The following C1RL variants were observed in gnomAD, a reference collection of about 807,000 sequenced individuals.
C1RL encodes the protein complement C1r subcomponent-like protein.
A neutral mutation model predicts 27.9 loss-of-function variants in C1RL; 27 were observed. That is an observed-to-expected ratio of 0.97 (90% CI 0.71 to 1.33). C1RL has a LOEUF of 1.33. Among genes scored for constraint, C1RL ranks in the 40% most tolerant of loss-of-function variants. The pLI, the probability that C1RL is intolerant of heterozygous loss-of-function variation, is 0.00. For missense variants in C1RL, 563 were observed against 623.9 expected, an observed-to-expected ratio of 0.90 and a Z score of 1.04; for synonymous variants, 248 against 252.1, an observed-to-expected ratio of 0.98 and a Z score of 0.15.
In C1RL at chr12:7,104,466, G is replaced by T. The variant is rs1938709661; in HGVS notation, c.301-2379C>A. On this transcript the variant is annotated intron_variant, in intron 2 of 5. Transcript: ENST00000266542. This position sits in a 1 kb window ranked among gnomAD's most constrained non-coding sequence, Gnocchi z 5.4. The stretch of plus-strand genomic sequence containing the variant: ...CCCCGTGTCCGGGGCCACTCTCTGG[G>T]TGAAGTCTGCACATTCTTCCCATGT... Among the ~76,000 whole-genome samples, 1 of 152,238 alleles carries T rather than the reference G, an allele frequency of 6.6e-6. No homozygotes were observed. The highest frequency in any genetic ancestry group is 2.4e-5 in the African/African-American group (1 of 41,464).
rs370976814 is a variant in C1RL, at chr12:7,097,059, C to A, written c.796G>T (p.Gly266Cys). The A allele has an allele frequency of 3.3e-5, 53 of 1,614,016 alleles. No homozygotes were observed. The highest frequency in any genetic ancestry group is 4.4e-5 in the South Asian group (4 of 91,094). The change falls in exon 6 of 6, where the codon GGC becomes TGC. Residue 266 changes from glycine (G) to cysteine (C), a missense_variant. Coordinates refer to ENST00000266542, the MANE Select transcript of C1RL (RefSeq NM_016546.4). ...FPWQAFTSIH[G>C]RGGGALLGDR... ...CCCAGCAGGGCCCCGCCCCCACGGC[C>A]GTGGATACTGGTGAAGGCTTGCCAG...
chr12:7,098,892 T>C (rs1938528521), intron 5 of C1RL, among the ~76,000 whole-genome samples: 1 of 152,028 alleles, frequency 6.6e-6, no homozygotes, highest in African/African-American at 2.4e-5. Flanking sequence ...CATTACTGGA[T>C]TGTACTGTTT....
chr12:7,096,280 T>TGGGCCCC lies in C1RL; in HGVS notation c.*110_*111insGGGGCCC. The TGGGCCCC allele has an allele frequency of 5.0e-6, 5 of 992,680 alleles. No individual in the cohort carries two copies. The highest frequency in any genetic ancestry group is 6.0e-6 in the Non-Finnish European group (5 of 832,192). 61.5% of individuals were successfully genotyped at this position (992,680 alleles called of 1,614,324 possible). On this transcript the variant is annotated 3_prime_UTR_variant, in exon 6 of 6. Coordinates refer to ENST00000266542, the MANE Select transcript of C1RL (RefSeq NM_016546.4). ...GTGATGTGAATAGGATTTCCCTGCC[T>TGGGCCCC]CCCCCAACCCCCCACCCCCAACCCC...
Position 7,108,232 on chromosome 12 carries a change from C to G in C1RL, c.300+19G>C. 6.4e-7 allele frequency: 1 copy of G among 1,574,642 alleles called. No homozygotes were observed. The highest frequency in any genetic ancestry group is 1.8e-5 in the Admixed American group (1 of 57,140). ...CCCTGGCCACAGTCCTGGCGGGACC[C>G]CCCCCATCCCCAGCTCACTGTGACA... is the stretch of plus-strand genomic sequence containing the variant. On this transcript the variant is annotated intron_variant, in intron 2 of 5. Coordinates refer to ENST00000266542, the MANE Select transcript of C1RL (RefSeq NM_016546.4).
At position 7,096,858 on chromosome 12, in the gene C1RL, A is replaced by G. The variant is rs551297918; in HGVS notation, c.997T>C (p.Ser333Pro). Residue 333 changes from serine (S) to proline (P), a missense_variant, in exon 6 of 6, where the codon TCC (serine) becomes CCC (proline). By Grantham distance (74) the Ser-to-Pro change is moderately conservative (BLOSUM62 -1). Transcript: ENST00000266542. Reference protein sequence around the residue: ...VVHPDYRQNESHNFSGDIALL... With the variant: ...VVHPDYRQNEPHNFSGDIALL... Reference sequence around the variant, plus strand: ...GCGATGTCCCCGCTAAAGTTATGGGACTCATTCTGACGGTAGTCGGGGTGC... The same window carrying G: ...GCGATGTCCCCGCTAAAGTTATGGGGCTCATTCTGACGGTAGTCGGGGTGC... The G allele has an allele frequency of 3.9e-5, 63 of 1,600,844 alleles. No individual in the cohort carries two copies. The South Asian group carries it at 6.5e-4, about 17-fold the overall frequency.
intron 1 of C1RL, 133 bp downstream of exon 1, chr12:7,108,977 G>A: frequency 5.1e-5 from 9 of 177,008 alleles, no homozygotes; most frequent in Middle Eastern, 3.2e-3. Context: ...GTGTGTGTGT[G>A]TGTGTGTGTG....
Position 7,096,296 on chromosome 12 carries a change from C to A in C1RL, c.*95G>T. On this transcript the variant is annotated 3_prime_UTR_variant, in exon 6 of 6. Transcript: ENST00000266542. Reference sequence around the variant, plus strand: ...TTCCCTGCCTCCCCCAACCCCCCACCCCCAACCCCTACCCCAGTGTTCAGT... The same window carrying A: ...TTCCCTGCCTCCCCCAACCCCCCACACCCAACCCCTACCCCAGTGTTCAGT... 1 of 1,195,100 alleles carries A rather than the reference C, an allele frequency of 8.4e-7. No homozygotes were observed. Among genetic ancestry groups the A allele is most frequent in the Non-Finnish European group, 1.0e-6 (1 of 961,324 alleles). 74.0% of individuals were successfully genotyped at this position (1,195,100 alleles called of 1,614,324 possible). A position where few individuals can be genotyped will look rare whatever the true frequency, so the allele number is the denominator to read the frequency against.
chr12:7,100,600 C>T (rs935182294), intron 3 of C1RL, among the ~76,000 whole-genome samples: 5 of 152,110 alleles, frequency 3.3e-5, no homozygotes, highest in Non-Finnish European at 7.4e-5. Context: ...TTGAGACCAG[C>T]CTGGCCAACA....
At chr12:7,100,124 A>AT in intron 3 of C1RL, 98 bp from the exon 4 acceptor site, 2 of 1,198,452 alleles carry the variant, frequency 1.7e-6, no homozygotes, top group South Asian at 1.6e-5. Context: ...ACAGTGTTTT[A>AT]TTTTTTATTT....
chr12:7,096,080 G>A lies in C1RL; in HGVS notation c.*311C>T, dbSNP rs780800989. On this transcript the variant is annotated 3_prime_UTR_variant, in exon 6 of 6. Transcript: ENST00000266542. ...GTCAACAGATGAAGTAGGGGAAGGC[G>A]GTTCTAAGGACATTCAAGGCGAAAG... 62 of 1,117,728 alleles carry A rather than the reference G, an allele frequency of 5.5e-5. 1 individual carries two copies. The South Asian group carries it at 1.9e-3, about 33-fold the overall frequency. The allele number at this position is 1,117,728 out of a possible 1,614,324, so 69.2% of individuals were successfully genotyped here.
At position 7,101,885 on chromosome 12, in the gene C1RL, G is replaced by T; in HGVS notation, c.490+13C>A. 1 of 1,613,742 alleles carries T rather than the reference G, an allele frequency of 6.2e-7. No individual in the cohort carries two copies. The highest frequency in any genetic ancestry group is 1.1e-5 in the South Asian group (1 of 91,078). ...AGAGGCTCCCTCCCTGCACCCCCAG[G>T]AGGGACACTCACCCACGGTTTGGTA... On this transcript the variant is annotated intron_variant, in intron 3 of 5. Transcript: ENST00000266542.
chr12:7,100,159 T>A (rs1005129817), intron 3 of C1RL, 133 bp from the exon 4 acceptor site: 2 of 877,614 alleles, frequency 2.3e-6, no homozygotes, highest in Non-Finnish European at 3.4e-6. Context: ...ACATTTGAGT[T>A]CGTTTTCACT....
At chr12:7,101,822 A>G (rs1449234864) in intron 3 of C1RL, 76 bp downstream of exon 3, 2 of 1,481,236 alleles carry the variant, frequency 1.4e-6, no homozygotes, top group Non-Finnish European at 1.9e-6. Context: ...TCAAGCTTCC[A>G]CTTAAGGCTT....
chr12:7,099,887 A>G lies in C1RL; in HGVS notation c.616+14T>C. ...AGGTGGATGGAAGCCACCCCTCGGC[A>G]GGTGGGGACTCACCTGCTGCCGCGG... On this transcript the variant is annotated intron_variant, in intron 4 of 5. Coordinates refer to ENST00000266542, the MANE Select transcript of C1RL (RefSeq NM_016546.4). The G allele has an allele frequency of 6.2e-7, 1 of 1,613,836 alleles. No individual in the cohort carries two copies. The highest frequency in any genetic ancestry group is 8.5e-7 in the Non-Finnish European group (1 of 1,179,836).
At chr12:7,108,533 G>A in intron 1 of C1RL, 54 bp from the exon 2 acceptor site, 1 of 1,444,110 alleles carries the variant, frequency 6.9e-7, no homozygotes, top group Non-Finnish European at 9.4e-7. Context: ...CCGGAAGCCT[G>A]TGGGTGTGGG....
chr12:7,095,781 AT>A lies in C1RL; in HGVS notation c.*609del, dbSNP rs1274528409. On this transcript the variant is annotated 3_prime_UTR_variant, in exon 6 of 6. Transcript: ENST00000266542. The stretch of plus-strand genomic sequence containing the variant: ...TTATCCCCTGAGCCTCAGTTTCCTC[AT>A]TTGTCACACATAGATAATAACACAT... The A allele has an allele frequency of 1.3e-6, 1 of 758,214 alleles. No homozygotes were observed. 47.0% of individuals were successfully genotyped at this position (758,214 alleles called of 1,614,324 possible).
In C1RL at chr12:7,095,129, TTG is replaced by T; in HGVS notation, c.*1260_*1261del. On this transcript the variant is annotated 3_prime_UTR_variant, in exon 6 of 6. Coordinates refer to ENST00000266542, the MANE Select transcript of C1RL (RefSeq NM_016546.4). ...GTAAATCACCTCCAATCTTTTTTTT[TTG>T]GGGGGGATGAAGTCTTGGTCTGTCC... is the stretch of plus-strand genomic sequence containing the variant. 1 of 1,247,970 alleles carries T rather than the reference TTG, an allele frequency of 8.0e-7. No homozygotes were observed. The highest frequency in any genetic ancestry group is 1.0e-6 in the Non-Finnish European group (1 of 973,512). The allele number at this position is 1,247,970 out of a possible 1,614,324, so 77.3% of individuals were successfully genotyped here. A position where few individuals can be genotyped will look rare whatever the true frequency, so the allele number is the denominator to read the frequency against.
rs376087339 is a variant in C1RL, at chr12:7,097,428, G to A, written c.692-265C>T. On this transcript the variant is annotated intron_variant, in intron 5 of 5. Coordinates refer to ENST00000266542, the MANE Select transcript of C1RL (RefSeq NM_016546.4). ...CCGAGTAGCTGGGATTACAGGCACC[G>A]ACCACTACGCCCGGCTAATTTTTGT... Among the ~76,000 whole-genome samples the A allele has an allele frequency of 2.7e-4, 41 of 152,012 alleles. No homozygotes were observed. The East Asian group carries it at 4.3e-3, about 16-fold the overall frequency.
In C1RL at chr12:7,109,153, A is replaced by G; in HGVS notation, c.28T>C (p.Tyr10His). ...TTGGAGTGAGGGCTTCTCCAGAGAT[A>G]TTTCCCCCACACTCTGGGTCCAGGC... MPGPRVWGKYLWRSPHSKGC... is the reference protein window; with the variant it reads MPGPRVWGKHLWRSPHSKGC... The change falls in exon 1 of 6, where the codon TAT (tyrosine) becomes CAT (histidine). Residue 10 changes from tyrosine to histidine, a missense_variant. By Grantham distance (83) the Tyr-to-His change is moderately conservative. Transcript: ENST00000266542. The G allele has an allele frequency of 1.2e-6, 2 of 1,601,900 alleles. No homozygotes were observed. Among genetic ancestry groups the G allele is most frequent in the Non-Finnish European group, 1.7e-6 (2 of 1,173,984 alleles).
Sources: allele counts gnomAD v4.1 joint callset (sites outside exome capture counted in the v4.1 genomes callset), GRCh38; gene constraint gnomAD v4.1.1; non-coding constraint Gnocchi (gnomAD v3.1); transcripts MANE v1.5; gene names NCBI Gene and HGNC (gene_info 2026-07-23, HGNC 2026-07-21).